BAZ2B: variants seen among roughly 807,000 people sequenced by gnomAD.
The protein encoded by BAZ2B is bromodomain adjacent to zinc finger domain 2B.
BAZ2B carries 91 observed loss-of-function variants against 246.0 expected under a neutral mutation model. The ratio of observed to expected loss-of-function variants is 0.37; its 90% CI spans 0.31 to 0.44. The LOEUF is 0.44. Among genes scored for constraint, BAZ2B ranks in the 20% least tolerant of loss-of-function variants. The pLI is 1.00. For synonymous variants in BAZ2B, 855 were observed against 860.0 expected (o/e 0.99, Z 0.10); for missense variants, 2,332 against 2,533.7 (o/e 0.92, Z 1.71).
chr2:159,377,022 A>C (rs1043653170), intron 25 of BAZ2B, among the ~76,000 whole-genome samples: 2 of 152,206 alleles, frequency 1.3e-5, no homozygotes, highest in African/African-American at 4.8e-5. Context: ...TTGTGAGGTT[A>C]AACTCCCATA....
Position 159,570,185 on chromosome 2 carries a change from T to G in BAZ2B, c.-45-14320A>C, listed in dbSNP as rs911256603. ...AATTTCATTAAAGTTTTTTTTTGTT[T>G]TTTTTGTTTTTTTTCTGGAGACAGA... is the stretch of plus-strand genomic sequence containing the variant. On this transcript the variant is annotated intron_variant, in intron 1 of 36. Coordinates refer to ENST00000392783, the MANE Select transcript of BAZ2B (RefSeq NM_013450.4). 1.6e-3 allele frequency among the ~76,000 whole-genome samples: 246 copies of G among 151,574 alleles called. 1 individual carries two copies. The highest frequency in any genetic ancestry group is 5.5e-3 in the African/African-American group (225 of 41,176).
chr2:159,519,236 T>TTTTTTTTTA (rs1553692833), intron 2 of BAZ2B, among the ~76,000 whole-genome samples: 883 of 70,600 alleles, frequency 0.013, 19 homozygotes, highest in Non-Finnish European at 0.02. Flanking sequence ...TTTTTTTTTT[T>TTTTTTTTTA]TTTTGAGACG....
At chr2:159,640,398 A>G in the BAZ2B span, among the ~76,000 whole-genome samples, 3 of 152,144 alleles carry the variant, frequency 2.0e-5, no homozygotes, top group East Asian at 5.8e-4. Context: ...CAGAATATAC[A>G]TTCTTCTTCT....
intron 32 of BAZ2B, 114 bp from the exon 33 acceptor site, chr2:159,337,191 A>G (rs1338718663): frequency 1.5e-6 from 2 of 1,349,916 alleles, no homozygotes; most frequent in Non-Finnish European, 1.0e-6. Context: ...AACAGCCAAT[A>G]AGTATAAGGT....
At chr2:159,707,991 C>G in the BAZ2B span, among the ~76,000 whole-genome samples, 1 of 151,730 alleles carries the variant, frequency 6.6e-6, no homozygotes, top group South Asian at 2.1e-4. Context: ...GACTCTGTCT[C>G]CAAAATAAAT....
At chr2:159,669,715 T>C in the BAZ2B span, among the ~76,000 whole-genome samples, 1 of 152,186 alleles carries the variant, frequency 6.6e-6, no homozygotes, top group Non-Finnish European at 1.5e-5. Context: ...CTTCTTTTTA[T>C]GCTGTTTACC....
intron 2 of BAZ2B, among the ~76,000 whole-genome samples, chr2:159,493,989 T>C (rs1420733546): frequency 6.6e-6 from 1 of 152,154 alleles, no homozygotes; most frequent in Non-Finnish European, 1.5e-5. Context: ...CTTCAAGAGC[T>C]GGTAAGAAAC....
Position 159,348,840 on chromosome 2 carries a change from C to T in BAZ2B, c.5138-7G>A. On this transcript the variant is annotated splice_polypyrimidine_tract_variant and splice_region_variant and intron_variant, in intron 29 of 36. Transcript: ENST00000392783. Reference sequence around the variant, plus strand: ...CACCAACCAAACTGCATTTCTAAGTCAAGATAAATAAGTAGAACTTTTACA... The same window carrying T: ...CACCAACCAAACTGCATTTCTAAGTTAAGATAAATAAGTAGAACTTTTACA... 1 of 1,585,486 alleles carries T rather than the reference C, an allele frequency of 6.3e-7. No individual in the cohort carries two copies. Among genetic ancestry groups the T allele is most frequent in the Non-Finnish European group, 8.5e-7 (1 of 1,172,872 alleles).
chr2:159,400,798 T>C, intron 16 of BAZ2B, 134 bp from the exon 17 acceptor site: 2 of 496,354 alleles, frequency 4.0e-6, no homozygotes, highest in Non-Finnish European at 7.3e-6. Flanking sequence ...CCCAGCACTT[T>C]GGGAGGCCAA....
At chr2:159,457,349 A>G (rs1416026060) in intron 3 of BAZ2B, among the ~76,000 whole-genome samples, 1 of 152,232 alleles carries the variant, frequency 6.6e-6, no homozygotes, top group Non-Finnish European at 1.5e-5. Context: ...GGACTCAGTA[A>G]TACAACCCAA....
the BAZ2B span, among the ~76,000 whole-genome samples, chr2:159,650,509 A>G: frequency 6.6e-6 from 1 of 152,100 alleles, no homozygotes; most frequent in African/African-American, 2.4e-5. Flanking sequence ...TAGGTGGCAA[A>G]AGGCACTATT....
chr2:159,678,905 T>C, the BAZ2B span, among the ~76,000 whole-genome samples: 19 of 152,310 alleles, frequency 1.2e-4, 1 homozygote, highest in East Asian at 3.1e-3. Context: ...GAATAGCTTA[T>C]AAATGGCATG....
the BAZ2B span, among the ~76,000 whole-genome samples, chr2:159,679,623 A>G: frequency 6.6e-6 from 1 of 152,232 alleles, no homozygotes; most frequent in African/African-American, 2.4e-5. Context: ...GTAACTTCCA[A>G]AAAAGTAATA....
chr2:159,487,114 A>G (rs577159010), intron 2 of BAZ2B, among the ~76,000 whole-genome samples: 1 of 152,270 alleles, frequency 6.6e-6, no homozygotes, highest in South Asian at 2.1e-4. Context: ...TTACCATGTG[A>G]TTGTATTAAT....
At chr2:159,665,190 G>C in the BAZ2B span, among the ~76,000 whole-genome samples, 5 of 89,702 alleles carry the variant, frequency 5.6e-5, no homozygotes, top group African/African-American at 2.4e-4. Flanking sequence ...CACTGCTCAA[G>C]GAAATAAAAG....
intron 34 of BAZ2B, among the ~76,000 whole-genome samples, chr2:159,330,791 C>G (rs1291716397): frequency 6.6e-6 from 1 of 151,836 alleles, no homozygotes; most frequent in African/African-American, 2.4e-5. Context: ...CTGGGGGACT[C>G]AAGACTGCAA....
At chr2:159,507,445 G>A (rs2082449523) in intron 2 of BAZ2B, among the ~76,000 whole-genome samples, 1 of 152,138 alleles carries the variant, frequency 6.6e-6, no homozygotes, top group African/African-American at 2.4e-5. Context: ...AGTTGGAAAG[G>A]TGTTTCTTTG....
At chr2:159,510,171 A>G (rs2082769783) in intron 2 of BAZ2B, among the ~76,000 whole-genome samples, 1 of 151,900 alleles carries the variant, frequency 6.6e-6, no homozygotes, top group South Asian at 2.1e-4. Flanking sequence ...ATGGGAAGTT[A>G]CTGCTTTTTT....
the BAZ2B span, among the ~76,000 whole-genome samples, chr2:159,707,553 C>T: frequency 1.3e-5 from 2 of 151,928 alleles, no homozygotes; most frequent in East Asian, 1.9e-4. Context: ...TGGGGCTGGG[C>T]GTGGTGGCTC....
Sources: gnomAD v4.1 joint callset for allele counts (sites outside exome capture counted in the v4.1 genomes callset) on GRCh38, gnomAD v4.1.1 for gene constraint, MANE v1.5 for transcripts, NCBI Gene and HGNC (gene_info 2026-07-23, HGNC 2026-07-21) for gene names.